The following BMPER variants were observed in gnomAD, a reference collection of about 807,000 sequenced individuals.
BMPER encodes the protein BMP-binding endothelial regulator protein.
A neutral mutation model predicts 87.3 loss-of-function variants in BMPER; 45 were observed. The observed-to-expected ratio is 0.52, with a 90% CI of 0.41 to 0.66. The LOEUF is 0.66. BMPER is among the 30% of genes least tolerant of loss of function. The pLI is 0.00. For synonymous variants in BMPER, 326 were observed against 316.2 expected (o/e 1.03, Z -0.33); for missense variants, 784 against 867.5 (o/e 0.90, Z 1.21).
intron 13 of BMPER, among the ~76,000 whole-genome samples, chr7:34,135,213 G>T (rs991108755): frequency 2.0e-5 from 3 of 152,170 alleles, no homozygotes; most frequent in African/African-American, 7.2e-5. Context: ...AACAAAAATG[G>T]TTTGGTAGGT....
Position 34,079,091 on chromosome 7 carries a change from T to C in BMPER, c.1313T>C (p.Val438Ala), listed in dbSNP as rs763430027. ...GTCAGCCTGCAGCAGCACCTCACCG[T>C]GCGCTGGAACGGCTCGCGCATCGCG... ...SRVSLQQHLT[V>A]RWNGSRIALP... The change falls in exon 12 of 15, where the codon GTG (valine) becomes GCG (alanine). Residue 438 changes from valine (V) to alanine (A), a missense_variant. Transcript: ENST00000649409. 3.1e-6 allele frequency: 5 copies of C among 1,613,904 alleles called. No individual in the cohort carries two copies. Among genetic ancestry groups the C allele is most frequent in the Non-Finnish European group, 1.7e-6 (2 of 1,180,002 alleles).
chr7:34,042,399 T>G (rs1290713011), intron 6 of BMPER, among the ~76,000 whole-genome samples: 1 of 152,244 alleles, frequency 6.6e-6, no homozygotes, highest in Non-Finnish European at 1.5e-5. Flanking sequence ...TTTGTCCTTA[T>G]GTATTTTAAC....
At chr7:34,070,568 AC>A (rs1471576938) in intron 11 of BMPER, among the ~76,000 whole-genome samples, 2 of 152,082 alleles carry the variant, frequency 1.3e-5, no homozygotes, top group African/African-American at 4.8e-5. Context: ...TTTCACAGAA[AC>A]CTACACCAGC....
rs1178106112 is a variant in BMPER, at chr7:34,153,330, G to A, written c.*57G>A. 1 of 1,596,352 alleles carries A rather than the reference G, an allele frequency of 6.3e-7. No homozygotes were observed. The stretch of plus-strand genomic sequence containing the variant: ...TGGTGACTTTGACACTGAAGCGGAA[G>A]AGCCAATGAAGGACTGCAGTATTTG... On this transcript the variant is annotated 3_prime_UTR_variant, in exon 15 of 15. Transcript: ENST00000649409.
chr7:34,079,206 C>G lies in BMPER; in HGVS notation c.1408+20C>G. ...AAGCAGGTGGGGCGTCTGTGGCCTCCCTCTTGCTCTAGCCTCCGCCTCACT... is the reference window on the plus strand; with the variant it reads ...AAGCAGGTGGGGCGTCTGTGGCCTCGCTCTTGCTCTAGCCTCCGCCTCACT... On this transcript the variant is annotated intron_variant, in intron 12 of 14. Coordinates refer to ENST00000649409, the MANE Select transcript of BMPER (RefSeq NM_001365308.1). The G allele has an allele frequency of 6.2e-7, 1 of 1,613,038 alleles. No individual in the cohort carries two copies. Among genetic ancestry groups the G allele is most frequent in the Non-Finnish European group, 8.5e-7 (1 of 1,179,750 alleles).
At chr7:33,961,973 G>T (rs972109102) in intron 3 of BMPER, among the ~76,000 whole-genome samples, 1 of 152,144 alleles carries the variant, frequency 6.6e-6, no homozygotes, top group Non-Finnish European at 1.5e-5. Flanking sequence ...TGATGTTAAT[G>T]TGAAAAATGA....
chr7:34,070,749 A>G (rs1032913194), intron 11 of BMPER, among the ~76,000 whole-genome samples: 2 of 151,124 alleles, frequency 1.3e-5, no homozygotes, highest in South Asian at 4.2e-4. Context: ...AGCCCTTAAT[A>G]TGCTGACGTG....
Position 33,937,406 on chromosome 7 carries a change from C to G in BMPER, c.319+18C>G, listed in dbSNP as rs370292674. On this transcript the variant is annotated intron_variant, in intron 3 of 14. Coordinates refer to ENST00000649409, the MANE Select transcript of BMPER (RefSeq NM_001365308.1). Reference sequence around the variant, plus strand: ...GTGCAAAGGTGATTGATGTCTTGGCCGTCTTCTCTTCTGGCTGCTGCTTCA... The same window carrying G: ...GTGCAAAGGTGATTGATGTCTTGGCGGTCTTCTCTTCTGGCTGCTGCTTCA... The G allele has an allele frequency of 1.9e-6, 3 of 1,608,370 alleles. No homozygotes were observed. Among genetic ancestry groups the G allele is most frequent in the Non-Finnish European group, 2.6e-6 (3 of 1,174,824 alleles).
rs1023518988 is a variant in BMPER at position 34,066,851 on chromosome 7, CAGAG to C, written c.1078+4816_1078+4819del. 2.6e-3 allele frequency among the ~76,000 whole-genome samples: 388 copies of C among 150,574 alleles called. 3 individuals carry two copies. Among genetic ancestry groups the C allele is most frequent in the African/African-American group, 9.0e-3 (371 of 41,232 alleles). ...AGGGAGAGAGGGATGGAGGGAGGGG[CAGAG>C]AGAGAGAGAGACTGAGATTGACAGA... On this transcript the variant is annotated intron_variant, in intron 11 of 14. Coordinates refer to ENST00000649409, the MANE Select transcript of BMPER (RefSeq NM_001365308.1).
At chr7:33,993,595 G>A (rs970360987) in intron 6 of BMPER, among the ~76,000 whole-genome samples, 152 of 151,706 alleles carry the variant, frequency 1.0e-3, no homozygotes, top group African/African-American at 3.3e-3. Flanking sequence ...TAATTTGATC[G>A]TCTGAAGCCT....
chr7:34,094,110 G>A (rs1222490580), intron 13 of BMPER, among the ~76,000 whole-genome samples: 8 of 152,128 alleles, frequency 5.3e-5, no homozygotes, highest in Admixed American at 5.2e-4. Flanking sequence ...CTGTCCACTC[G>A]GGTTTTCAAA....
At chr7:33,905,523 G>C (rs1306060747), upstream of BMPER, 1 of 1,381,026 alleles carries the variant, frequency 7.2e-7, no homozygotes, top group South Asian at 1.2e-5. Flanking sequence ...CGACACGCCG[G>C]CTGAGAGCCC....
chr7:34,058,252 A>G, intron 10 of BMPER, 89 bp downstream of exon 10: 2 of 1,221,608 alleles, frequency 1.6e-6, no homozygotes, highest in South Asian at 1.3e-5. Context: ...CCGAACACAG[A>G]CTCCAGCTCC....
At position 33,974,428 on chromosome 7, in the gene BMPER, C is replaced by A. The variant is rs558081725; in HGVS notation, c.494-274C>A. 3.3e-5 allele frequency among the ~76,000 whole-genome samples: 5 copies of A among 152,226 alleles called. No individual in the cohort carries two copies. In the East Asian group the frequency reaches 9.7e-4, roughly 30 times the overall value. Reference sequence around the variant, plus strand: ...CATGATCACCATGCAGCTCCCGGACCCCAAGCACGGCTCTCTATGCTGCAC... The same window carrying A: ...CATGATCACCATGCAGCTCCCGGACACCAAGCACGGCTCTCTATGCTGCAC... On this transcript the variant is annotated intron_variant, in intron 5 of 14. Transcript: ENST00000649409.
intron 8 of BMPER, 42 bp downstream of exon 8, chr7:34,052,012 T>A (rs368890756): frequency 8.9e-5 from 137 of 1,544,570 alleles, no homozygotes; most frequent in Non-Finnish European, 1.1e-4. Flanking sequence ...AATGATAGGG[T>A]TTGGGTTTCA....
At position 34,153,180 on chromosome 7, in the gene BMPER, C is replaced by T. The variant is rs1791227114; in HGVS notation, c.1965C>T (p.Cys655=). 6.2e-7 allele frequency: 1 copy of T among 1,613,858 alleles called. No individual in the cohort carries two copies. Among genetic ancestry groups the T allele is most frequent in the Non-Finnish European group, 8.5e-7 (1 of 1,179,922 alleles). Residue 655 remains cysteine (C), a synonymous_variant, in exon 15 of 15, where the codon TGC becomes TGT. Coordinates refer to ENST00000649409, the MANE Select transcript of BMPER (RefSeq NM_001365308.1). ...ACAACTGGAATGAAATTGGTCCATG[C>T]AACAAGCCGTGCGTTGCTGGGTGCC... The part of the protein sequence containing the change: ...TCDNWNEIGP[C]NKPCVAGCHC...
chr7:34,037,816 C>A (rs879703579), intron 6 of BMPER, among the ~76,000 whole-genome samples: 1 of 152,154 alleles, frequency 6.6e-6, no homozygotes, highest in Admixed American at 6.5e-5. Context: ...TGAATTTCAC[C>A]TTCTAACTAG....
At chr7:33,921,777 G>C (rs1047194285) in intron 2 of BMPER, 2 of 470,980 alleles carry the variant, frequency 4.2e-6, no homozygotes. Flanking sequence ...TGCTTCTTCA[G>C]CATGAGCCAA....
chr7:33,950,059 G>C (rs1443315363), intron 3 of BMPER, among the ~76,000 whole-genome samples: 9 of 152,162 alleles, frequency 5.9e-5, no homozygotes, highest in African/African-American at 2.2e-4. Flanking sequence ...TTATTCCTGG[G>C]CTTTGTTTTT....
Sources: gnomAD v4.1 joint callset for allele counts (sites outside exome capture counted in the v4.1 genomes callset) on GRCh38, gnomAD v4.1.1 for gene constraint, MANE v1.5 for transcripts, NCBI Gene and HGNC (gene_info 2026-07-23, HGNC 2026-07-21) for gene names.